SSH2: variants seen among roughly 807,000 people sequenced by gnomAD.
SSH2 encodes the protein slingshot protein phosphatase 2.
A neutral mutation model predicts 135.2 loss-of-function variants in SSH2; 37 were observed. The observed-to-expected ratio is 0.27, with a 90% CI of 0.21 to 0.36. The LOEUF is 0.36. Among genes scored for constraint, SSH2 ranks in the 10% least tolerant of loss-of-function variants. The probability of loss-of-function intolerance (pLI) is 1.00; values close to 1 mark genes in which losing one functional copy is unlikely to be tolerated. For missense variants in SSH2, 1,408 were observed against 1,765.3 expected (o/e 0.80, Z 3.63); for synonymous variants, 628 against 646.2 (o/e 0.97, Z 0.43).
chr17:29,837,400 C>A (rs943797197), intron 2 of SSH2, among the ~76,000 whole-genome samples: 1 of 152,102 alleles, frequency 6.6e-6, no homozygotes, highest in African/African-American at 2.4e-5. Flanking sequence ...TATAAAACAC[C>A]CCAGTAATAT....
At chr17:29,737,450 T>C (rs2040410183) in intron 3 of SSH2, among the ~76,000 whole-genome samples, 1 of 152,172 alleles carries the variant, frequency 6.6e-6, no homozygotes, top group Non-Finnish European at 1.5e-5. Flanking sequence ...TCTTTTTTTG[T>C]CCACTAATGC....
chr17:29,742,255 C>T (rs185585836), intron 3 of SSH2, among the ~76,000 whole-genome samples: 13 of 150,092 alleles, frequency 8.7e-5, no homozygotes, highest in Non-Finnish European at 1.3e-4. Context: ...AAGACTAGTT[C>T]GGTTAAAAAC....
At chr17:29,775,375 G>A (rs991957641) in intron 3 of SSH2, among the ~76,000 whole-genome samples, 1 of 146,712 alleles carries the variant, frequency 6.8e-6, no homozygotes, top group African/African-American at 2.5e-5. Flanking sequence ...CTCAACCTCT[G>A]CCTCCCAGGC....
chr17:29,725,280 G>GCACC (rs2039963061), intron 3 of SSH2, among the ~76,000 whole-genome samples: 1 of 43,952 alleles, frequency 2.3e-5, no homozygotes. Context: ...CCAGGACGCC[G>GCACC]AGGTTGCAGT....
intron 1 of SSH2, among the ~76,000 whole-genome samples, chr17:29,925,749 C>T (rs541434683): frequency 6.6e-6 from 1 of 151,112 alleles, no homozygotes; most frequent in East Asian, 1.9e-4. Flanking sequence ...GCTGTGAGTA[C>T]ATTTTAAATG....
chr17:29,738,131 A>G (rs890619353), intron 3 of SSH2, among the ~76,000 whole-genome samples: 7 of 152,066 alleles, frequency 4.6e-5, no homozygotes, highest in African/African-American at 1.2e-4. Context: ...CCTGTGTCCA[A>G]GTGTTCTCAT....
At chr17:29,755,648 T>A (rs2041089031) in intron 3 of SSH2, among the ~76,000 whole-genome samples, 1 of 151,738 alleles carries the variant, frequency 6.6e-6, no homozygotes, top group African/African-American at 2.4e-5. Flanking sequence ...TTCACTTTTT[T>A]TAATTTTCTT....
chr17:29,819,626 A>G (rs181079739), intron 2 of SSH2, among the ~76,000 whole-genome samples: 57 of 152,380 alleles, frequency 3.7e-4, no homozygotes, highest in African/African-American at 1.3e-3. Context: ...AATCAGGAAT[A>G]GCTTTCAGTT....
chr17:29,657,740 T>A (rs925927431), intron 11 of SSH2, among the ~76,000 whole-genome samples: 6 of 151,396 alleles, frequency 4.0e-5, no homozygotes, highest in Admixed American at 2.6e-4. Context: ...CTTGCTAATT[T>A]TTTTACTTTT....
intron 2 of SSH2, among the ~76,000 whole-genome samples, chr17:29,805,122 G>A (rs1047180047): frequency 3.3e-5 from 5 of 150,546 alleles, no homozygotes; most frequent in Non-Finnish European, 5.9e-5. Flanking sequence ...AAAAGCTCCA[G>A]GCCTCATGCC....
intron 2 of SSH2, among the ~76,000 whole-genome samples, chr17:29,803,830 T>C (rs1003663352): frequency 6.6e-6 from 1 of 152,178 alleles, no homozygotes; most frequent in Non-Finnish European, 1.5e-5. Flanking sequence ...CTGAAGGCCA[T>C]ATGGATATTT....
chr17:29,864,969 T>C (rs1162721404), intron 1 of SSH2, among the ~76,000 whole-genome samples: 5 of 152,200 alleles, frequency 3.3e-5, no homozygotes, highest in African/African-American at 1.2e-4. Flanking sequence ...TCAGAGCCAC[T>C]GGTCCAAAGT....
intron 13 of SSH2, among the ~76,000 whole-genome samples, chr17:29,649,265 G>A (rs2036500370): frequency 6.6e-6 from 1 of 151,740 alleles, no homozygotes; most frequent in Non-Finnish European, 1.5e-5. Flanking sequence ...TTGTGCCTGG[G>A]TGCCCCGTAC....
intron 3 of SSH2, among the ~76,000 whole-genome samples, chr17:29,709,052 A>AGAGAGAGAGAGAGAGCGC (rs1491229455): frequency 1.7e-4 from 25 of 144,648 alleles, no homozygotes; most frequent in African/African-American, 6.1e-4. Context: ...AGAGAGAGAG[A>AGAGAGAGAGAGAGAGCGC]GCTAATAATA....
At chr17:29,827,602 TC>T (rs534563446) in intron 2 of SSH2, among the ~76,000 whole-genome samples, 13 of 152,206 alleles carry the variant, frequency 8.5e-5, no homozygotes, top group Non-Finnish European at 1.6e-4. Flanking sequence ...ACTTTGTCAT[TC>T]TTCTAAAACT....
rs948669760 is a variant in SSH2, at chr17:29,629,276, T to G, written c.*1565A>C. 1 of 152,688 alleles carries G rather than the reference T, an allele frequency of 6.5e-6. No individual in the cohort carries two copies. Among genetic ancestry groups the G allele is most frequent in the East Asian group, 1.9e-4 (1 of 5,202 alleles). 9.5% of individuals were successfully genotyped at this position (152,688 alleles called of 1,614,324 possible). On this transcript the variant is annotated 3_prime_UTR_variant, in exon 16 of 16. Transcript: ENST00000540801. The stretch of plus-strand genomic sequence containing the variant: ...CCTGGCTGAGGCCTCCCCTGTGGCC[T>G]TCAGCCTCTACTAGGAGCTTCCACT...
chr17:29,728,387 T>C (rs1200133979), intron 3 of SSH2, among the ~76,000 whole-genome samples: 1 of 151,592 alleles, frequency 6.6e-6, no homozygotes, highest in Non-Finnish European at 1.5e-5. Flanking sequence ...AACACACAGG[T>C]GAAAGAAATT....
At chr17:29,789,575 C>A (rs1311569853) in intron 3 of SSH2, among the ~76,000 whole-genome samples, 1 of 152,158 alleles carries the variant, frequency 6.6e-6, no homozygotes, top group Non-Finnish European at 1.5e-5. Flanking sequence ...TCACACCCAC[C>A]ATGGGTGGCG....
chr17:29,718,015 G>A (rs1335000728), intron 3 of SSH2, among the ~76,000 whole-genome samples: 1 of 152,192 alleles, frequency 6.6e-6, no homozygotes, highest in Non-Finnish European at 1.5e-5. Context: ...AGGTAGAGAA[G>A]GGCAAGTGGT....
Sources: gnomAD v4.1 joint callset for allele counts (sites outside exome capture counted in the v4.1 genomes callset) on GRCh38, gnomAD v4.1.1 for gene constraint, MANE v1.5 for transcripts, NCBI Gene and HGNC (gene_info 2026-07-23, HGNC 2026-07-21) for gene names.